SOAT1: variants seen among roughly 807,000 people sequenced by gnomAD.
SOAT1 encodes the protein sterol O-acyltransferase 1, also known as acyl-coenzyme A:cholesterol acyltransferase 1.
A neutral mutation model predicts 69.5 loss-of-function variants in SOAT1; 55 were observed. That is an observed-to-expected ratio of 0.79 (90% CI 0.64 to 0.99). The LOEUF (loss-of-function observed/expected upper bound fraction) is 0.99. Ranked by LOEUF, SOAT1 falls within the 50% of genes least tolerant of loss-of-function variation. The pLI, the probability that SOAT1 is intolerant of heterozygous loss-of-function variation, is 0.00. For missense variants in SOAT1, 580 were observed against 669.3 expected (o/e 0.87, Z 1.47); for synonymous variants, 231 against 224.7 (o/e 1.03, Z -0.25).
At chr1:179,328,949 G>C (rs1214530364) in intron 3 of SOAT1, among the ~76,000 whole-genome samples, 1 of 151,612 alleles carries the variant, frequency 6.6e-6, no homozygotes, top group Non-Finnish European at 1.5e-5. Flanking sequence ...GGGAGGCTGA[G>C]GTGGGAAGAT....
chr1:179,346,631 G>A (rs973501151), intron 11 of SOAT1, among the ~76,000 whole-genome samples: 2 of 152,202 alleles, frequency 1.3e-5, no homozygotes, highest in Admixed American at 6.5e-5. Context: ...TGTTATCCAT[G>A]TCACTATGTT....
chr1:179,296,598 C>T (rs1247433724), intron 1 of SOAT1, among the ~76,000 whole-genome samples: 1 of 152,102 alleles, frequency 6.6e-6, no homozygotes, highest in Middle Eastern at 3.2e-3. Flanking sequence ...AGACCTAGTT[C>T]TGTGATATGT....
intron 3 of SOAT1, among the ~76,000 whole-genome samples, chr1:179,332,049 A>G (rs1336181319): frequency 6.6e-6 from 1 of 152,092 alleles, no homozygotes; most frequent in African/African-American, 2.4e-5. Context: ...TGATTGGTTT[A>G]CTTTGTTTTT....
At chr1:179,322,476 A>G (rs1374053847) in intron 2 of SOAT1, among the ~76,000 whole-genome samples, 1 of 151,422 alleles carries the variant, frequency 6.6e-6, no homozygotes, top group East Asian at 1.9e-4. Flanking sequence ...TCCGCCTCCC[A>G]GGTTCAAGTG....
intron 11 of SOAT1, 29 bp downstream of exon 11, chr1:179,345,105 T>C (rs776710393): frequency 1.9e-6 from 3 of 1,610,148 alleles, no homozygotes; most frequent in Non-Finnish European, 2.5e-6. Context: ...AATTTGGTCA[T>C]GCATAAATTC....
At chr1:179,353,199 T>TTATATATGAATA (rs1666793839) in intron 15 of SOAT1, among the ~76,000 whole-genome samples, 1 of 11,998 alleles carries the variant, frequency 8.3e-5, no homozygotes, top group African/African-American at 2.4e-4. Flanking sequence ...TAAATGGTGG[T>TTATATATGAATA]TATATATAAA....
chr1:179,323,372 T>A, intron 2 of SOAT1, 65 bp from the exon 3 acceptor site: 1 of 1,353,058 alleles, frequency 7.4e-7, no homozygotes, highest in Non-Finnish European at 1.0e-6. Context: ...AACTTTATGA[T>A]TTAGACAGTG....
chr1:179,308,217 A>G (rs1665084577), intron 2 of SOAT1, among the ~76,000 whole-genome samples: 2 of 152,130 alleles, frequency 1.3e-5, no homozygotes, highest in Non-Finnish European at 2.9e-5. Context: ...TAATATTCCT[A>G]CCAGAAATTA....
rs114768339 is a variant in SOAT1 at position 179,328,938 on chromosome 1, C to T, written c.177+5443C>T. 6.2e-3 allele frequency among the ~76,000 whole-genome samples: 929 copies of T among 149,612 alleles called. 10 individuals are homozygous for T. Among genetic ancestry groups the T allele is most frequent in the African/African-American group, 0.021 (873 of 40,622 alleles). The stretch of plus-strand genomic sequence containing the variant: ...TGCGTGCCCGAGTAGTACTGCTACT[C>T]GGGAGGCTGAGGTGGGAAGATCATT... On this transcript the variant is annotated intron_variant, in intron 3 of 15. Coordinates refer to ENST00000367619, the MANE Select transcript of SOAT1 (RefSeq NM_003101.6).
intron 2 of SOAT1, among the ~76,000 whole-genome samples, chr1:179,306,493 C>T (rs998556807): frequency 6.6e-6 from 1 of 152,126 alleles, no homozygotes; most frequent in Non-Finnish European, 1.5e-5. Context: ...TGAAATGGCA[C>T]ACACTGAAGG....
In SOAT1 at chr1:179,337,817, T is replaced by G. The variant is rs10157409; in HGVS notation, c.330-20T>G. ...ATACTTGAAGTACTTATATCTTGTT[T>G]TAATTTTTCCTCTTCTCAGGGATTT... On this transcript the variant is annotated intron_variant, in intron 4 of 15. Transcript: ENST00000367619. 5.7e-3 allele frequency: 8,986 copies of G among 1,582,254 alleles called. 425 individuals carry two copies. The African/African-American group carries it at 0.11, about 19-fold the overall frequency.
chr1:179,342,282 T>G, intron 8 of SOAT1, 90 bp downstream of exon 8: 1 of 728,134 alleles, frequency 1.4e-6, no homozygotes, highest in Non-Finnish European at 2.2e-6. Flanking sequence ...CTTCTTTCCT[T>G]CTTTCCTTCC....
intron 1 of SOAT1, among the ~76,000 whole-genome samples, chr1:179,299,726 T>A (rs1664765909): frequency 6.6e-6 from 1 of 150,888 alleles, no homozygotes; most frequent in African/African-American, 2.4e-5. Flanking sequence ...TGGCATTTAT[T>A]TTTTAATCAT....
chr1:179,298,995 T>C (rs1002439707), intron 1 of SOAT1, among the ~76,000 whole-genome samples: 1 of 152,120 alleles, frequency 6.6e-6, no homozygotes, highest in Non-Finnish European at 1.5e-5. Flanking sequence ...CACACTAGAT[T>C]TGGGGGAGTC....
At position 179,356,128 on chromosome 1, in the gene SOAT1, A is replaced by G. The variant is rs1367347987; in HGVS notation, c.*2487A>G. On this transcript the variant is annotated 3_prime_UTR_variant, in exon 16 of 16. Transcript: ENST00000367619. ...TTTTTTCTATTTTGCTATTGTGGCG[A>G]AAATTATTTTCAGTTATAGGATACT... is the stretch of plus-strand genomic sequence containing the variant. 1 of 152,236 alleles carries G rather than the reference A, an allele frequency of 6.6e-6. No homozygotes were observed. Among genetic ancestry groups the G allele is most frequent in the Non-Finnish European group, 1.5e-5 (1 of 68,036 alleles). 9.4% of individuals were successfully genotyped at this position (152,236 alleles called of 1,614,324 possible). A position where few individuals can be genotyped will look rare whatever the true frequency, so the allele number is the denominator to read the frequency against.
At chr1:179,325,733 C>T (rs139855414) in intron 3 of SOAT1, among the ~76,000 whole-genome samples, 17 of 151,832 alleles carry the variant, frequency 1.1e-4, no homozygotes, top group African/African-American at 3.4e-4. Flanking sequence ...AACCCAAAGG[C>T]GAAAGGGAGT....
chr1:179,356,170 G>A lies in SOAT1; in HGVS notation c.*2529G>A, dbSNP rs1666899317. 1 of 152,084 alleles carries A rather than the reference G, an allele frequency of 6.6e-6. No homozygotes were observed. The highest frequency in any genetic ancestry group is 2.1e-4 in the South Asian group (1 of 4,826). The allele number at this position is 152,084 out of a possible 1,614,324, so 9.4% of individuals were successfully genotyped here. A position where few individuals can be genotyped will look rare whatever the true frequency, so the allele number is the denominator to read the frequency against. On this transcript the variant is annotated 3_prime_UTR_variant, in exon 16 of 16. Transcript: ENST00000367619. ...TAGGATACTTTTTTCCTTCTGAAAA[G>A]TAATAAGCTTAAAGTTTTTGTTTCT... is the stretch of plus-strand genomic sequence containing the variant.
intron 6 of SOAT1, 24 bp downstream of exon 6, chr1:179,339,569 G>A: frequency 6.7e-7 from 1 of 1,496,916 alleles, no homozygotes; most frequent in Non-Finnish European, 9.2e-7. Flanking sequence ...AAAGATGGCT[G>A]GCTAGTTGAT....
intron 11 of SOAT1, among the ~76,000 whole-genome samples, chr1:179,346,420 C>T (rs1666536260): frequency 6.6e-6 from 1 of 152,038 alleles, no homozygotes; most frequent in South Asian, 2.1e-4. Flanking sequence ...TGCTTATGGC[C>T]TTTGTTTCAC....
Sources: allele counts gnomAD v4.1 joint callset (sites outside exome capture counted in the v4.1 genomes callset), GRCh38; gene constraint gnomAD v4.1.1; transcripts MANE v1.5; gene names NCBI Gene and HGNC (gene_info 2026-07-23, HGNC 2026-07-21).